GSAP: variants seen among roughly 807,000 people sequenced by gnomAD.
GSAP encodes the protein gamma-secretase-activating protein.
Under a neutral mutation model 131.7 loss-of-function variants are expected in GSAP, and 118 were observed. The observed-to-expected ratio is 0.90, with a 90% CI of 0.77 to 1.04. The LOEUF is 1.04. GSAP is among the 50% of genes least tolerant of loss of function. The probability of loss-of-function intolerance (pLI) is 0.00; values close to 1 mark genes in which losing one functional copy is unlikely to be tolerated. For missense variants in GSAP, 1,019 were observed against 1,013.2 expected (o/e 1.01, Z -0.08); for synonymous variants, 381 against 363.4 (o/e 1.05, Z -0.55).
chr7:77,342,068 C>A (rs985277759), intron 19 of GSAP, among the ~76,000 whole-genome samples: 14 of 152,238 alleles, frequency 9.2e-5, no homozygotes, highest in African/African-American at 2.4e-4. Flanking sequence ...GGAAATCAGA[C>A]TGTCCAACTC....
At chr7:77,387,685 A>C (rs1317553022) in intron 5 of GSAP, among the ~76,000 whole-genome samples, 1 of 152,178 alleles carries the variant, frequency 6.6e-6, no homozygotes, top group Non-Finnish European at 1.5e-5. Context: ...TCAGCCCAGC[A>C]AAGGACCTGC....
In GSAP at chr7:77,323,709, G is replaced by A. The variant is rs779814187; in HGVS notation, c.1861C>T (p.His621Tyr). The change falls in exon 24 of 31, where the codon CAC becomes TAC. Residue 621 changes from histidine to tyrosine, a missense_variant. Coordinates refer to ENST00000257626, the MANE Select transcript of GSAP (RefSeq NM_017439.4). ...VSELKDHFLRHLQGVEKKKIE... is the reference protein window; with the variant it reads ...VSELKDHFLRYLQGVEKKKIE... Reference sequence around the variant, plus strand: ...TTCTTCTTTTCTACACCCTGTAGGTGTCTCAAAAAATGGTCTTTTAGCTCA... The same window carrying A: ...TTCTTCTTTTCTACACCCTGTAGGTATCTCAAAAAATGGTCTTTTAGCTCA... 4 of 1,603,126 alleles carry A rather than the reference G, an allele frequency of 2.5e-6. No individual in the cohort carries two copies. The highest frequency in any genetic ancestry group is 2.2e-5 in the South Asian group (2 of 90,308).
intron 19 of GSAP, among the ~76,000 whole-genome samples, chr7:77,349,028 A>G (rs980222146): frequency 2.0e-5 from 3 of 152,234 alleles, no homozygotes; most frequent in African/African-American, 4.8e-5. Flanking sequence ...CAGCCTCTCT[A>G]AAGATCATCT....
intron 12 of GSAP, among the ~76,000 whole-genome samples, chr7:77,370,144 C>T (rs1584538825): frequency 6.6e-6 from 1 of 152,126 alleles, no homozygotes; most frequent in African/African-American, 2.4e-5. Flanking sequence ...AATGATTGTT[C>T]ATATCCAATA....
chr7:77,355,604 T>C lies in GSAP; in HGVS notation c.1071A>G (p.Leu357=). Residue 357 remains leucine (L), a synonymous_variant, in exon 15 of 31, where the codon CTA becomes CTG. Coordinates refer to ENST00000257626, the MANE Select transcript of GSAP (RefSeq NM_017439.4). ...TCAGGTCTGGATGTTGAACATTAAG[T>C]AGGTGGAAGAAATGACCAGGTAAGT... The part of the protein sequence containing the change: ...AVYLPGHFFH[L]LNVQHPDLIC... 9.3e-6 allele frequency: 15 copies of C among 1,609,740 alleles called. No individual in the cohort carries two copies. The highest frequency in any genetic ancestry group is 1.0e-5 in the Non-Finnish European group (12 of 1,176,108).
intron 19 of GSAP, among the ~76,000 whole-genome samples, chr7:77,333,966 G>A (rs1789554425): frequency 6.6e-6 from 1 of 152,130 alleles, no homozygotes. Flanking sequence ...TCACACTGTT[G>A]GTGGGAATGT....
intron 2 of GSAP, 76 bp downstream of exon 2, chr7:77,405,953 C>T (rs1802191882): frequency 1.8e-6 from 1 of 558,398 alleles, no homozygotes; most frequent in South Asian, 2.3e-5. Context: ...GTATAGAATT[C>T]TGTAAAAAGA....
At chr7:77,351,800 C>G in intron 18 of GSAP, 1 of 806,318 alleles carries the variant, frequency 1.2e-6, no homozygotes, top group Non-Finnish European at 1.5e-6. Flanking sequence ...GTGGTCCCAG[C>G]TGCCTCCTGG....
intron 12 of GSAP, among the ~76,000 whole-genome samples, chr7:77,370,456 A>G (rs1795956036): frequency 6.6e-6 from 1 of 151,854 alleles, no homozygotes; most frequent in South Asian, 2.1e-4. Context: ...GCAGAGCAGG[A>G]CTCCATCTCA....
intron 14 of GSAP, among the ~76,000 whole-genome samples, chr7:77,360,516 T>C (rs188444276): frequency 1.1e-3 from 162 of 152,308 alleles, no homozygotes; most frequent in Non-Finnish European, 1.2e-3. Context: ...TCATACAAGT[T>C]ATCATTTTTA....
chr7:77,412,632 C>A (rs761976933), intron 1 of GSAP, among the ~76,000 whole-genome samples: 1 of 151,468 alleles, frequency 6.6e-6, no homozygotes, highest in Non-Finnish European at 1.5e-5. Flanking sequence ...AAACATAACC[C>A]CTAAAATAAT....
intron 8 of GSAP, among the ~76,000 whole-genome samples, chr7:77,378,520 C>CAA (rs368804554): frequency 0.012 from 1,706 of 146,940 alleles, 33 homozygotes; most frequent in African/African-American, 0.041. Flanking sequence ...CAAAAAACAA[C>CAA]AAAAAAAAAC....
chr7:77,409,316 TTAATAA>T (rs1191589390), intron 1 of GSAP, among the ~76,000 whole-genome samples: 1 of 152,100 alleles, frequency 6.6e-6, no homozygotes, highest in Non-Finnish European at 1.5e-5. Flanking sequence ...ACCCTGTCTC[TTAATAA>T]TAATAATAAG....
rs35614699 is a variant in GSAP, at chr7:77,400,936, ATTTT to A, written c.244-3525_244-3522del. On this transcript the variant is annotated intron_variant, in intron 3 of 30. Transcript: ENST00000257626. ...TCACAACTGAAAAATACAATTACCAATTTTTTTTTTTTTTTTTTAACAAAACCTC... is the reference window on the plus strand; with the variant it reads ...TCACAACTGAAAAATACAATTACCAATTTTTTTTTTTTTTAACAAAACCTC... Among the ~76,000 whole-genome samples the A allele has an allele frequency of 9.2e-5, 13 of 141,986 alleles. No homozygotes were observed. In the South Asian group the frequency reaches 2.0e-3, roughly 22 times the overall value. The allele number at this position is 141,986 out of a possible 152,430, so 93.1% of individuals were successfully genotyped here. A position where few individuals can be genotyped will look rare whatever the true frequency, so the allele number is the denominator to read the frequency against.
chr7:77,342,493 T>C (rs890779881), intron 19 of GSAP, among the ~76,000 whole-genome samples: 1 of 152,090 alleles, frequency 6.6e-6, no homozygotes, highest in Non-Finnish European at 1.5e-5. Flanking sequence ...CTTGCCTGAC[T>C]ATTCCTAGGT....
At chr7:77,363,867 T>C (rs1181899) in intron 12 of GSAP, among the ~76,000 whole-genome samples, 135,133 of 152,160 alleles carry the variant, frequency 0.89, 60,381 homozygotes, top group African/African-American at 0.97. Context: ...AGCTGACTCA[T>C]GACTCACTGA....
chr7:77,376,480 G>T (rs1384892298), intron 10 of GSAP, among the ~76,000 whole-genome samples: 1 of 152,116 alleles, frequency 6.6e-6, no homozygotes, highest in African/African-American at 2.4e-5. Flanking sequence ...TCTCTTAAAA[G>T]AGAGTAATCT....
chr7:77,401,326 G>GA (rs1200166797), intron 3 of GSAP, among the ~76,000 whole-genome samples: 1 of 151,562 alleles, frequency 6.6e-6, no homozygotes. Context: ...TAAGGAGAAA[G>GA]AAAAAAATTT....
At chr7:77,334,533 T>G (rs890102923) in intron 19 of GSAP, among the ~76,000 whole-genome samples, 1 of 137,944 alleles carries the variant, frequency 7.2e-6, no homozygotes, top group Non-Finnish European at 1.5e-5. Flanking sequence ...CGTTTACCTA[T>G]GTAACAAACC....
Sources: gnomAD v4.1 joint callset for allele counts (sites outside exome capture counted in the v4.1 genomes callset) on GRCh38, gnomAD v4.1.1 for gene constraint, MANE v1.5 for transcripts, NCBI Gene and HGNC (gene_info 2026-07-23, HGNC 2026-07-21) for gene names.